The following LARGE1 variants were observed in gnomAD, a reference collection of about 807,000 sequenced individuals.
The protein encoded by LARGE1 is LARGE xylosyl- and glucuronyltransferase 1, also known as xylosyl- and glucuronyltransferase LARGE1.
Under a neutral mutation model 87.6 loss-of-function variants are expected in LARGE1, and 43 were observed. That is an observed-to-expected ratio of 0.49 (90% CI 0.38 to 0.63). The LOEUF (loss-of-function observed/expected upper bound fraction) is 0.63, where lower values mean the gene tolerates loss of function less well. Ranked by LOEUF, LARGE1 falls within the 30% of genes least tolerant of loss-of-function variation. The pLI is 0.00. For missense variants in LARGE1, 802 were observed against 1,000.2 expected, an observed-to-expected ratio of 0.80 and a Z score of 2.67; for synonymous variants, 434 against 394.6, an observed-to-expected ratio of 1.10 and a Z score of -1.18.
At chr22:33,401,077 C>T (rs1051371694) in intron 7 of LARGE1, among the ~76,000 whole-genome samples, 11 of 151,944 alleles carry the variant, frequency 7.2e-5, no homozygotes, top group Admixed American at 1.3e-4. Flanking sequence ...CGCACACTCT[C>T]GCATGTGGGT....
intron 1 of LARGE1, among the ~76,000 whole-genome samples, chr22:33,831,756 AC>A: frequency 7.8e-6 from 1 of 128,092 alleles, no homozygotes; most frequent in South Asian, 3.1e-4. Context: ...ATGTACACAC[AC>A]ACACACACAC....
At chr22:33,266,193 C>A (rs981080141) in intron 11 of LARGE1, among the ~76,000 whole-genome samples, 2 of 145,826 alleles carry the variant, frequency 1.4e-5, no homozygotes. Context: ...ACTGGGGCCA[C>A]GTGGGCCTAG....
chr22:33,260,298 G>A (rs184798070), intron 11 of LARGE1, among the ~76,000 whole-genome samples: 6 of 152,106 alleles, frequency 3.9e-5, no homozygotes, highest in African/African-American at 1.2e-4. Context: ...CCTTTTCAAC[G>A]GCATCCCTAA....
In LARGE1 at chr22:33,196,294, C is replaced by T. The variant is rs533778174; in HGVS notation, c.1731-29462G>A. ...ATAGAAGACAAAAGAGTACATATAA[C>T]ATATAGGAAAGAAAGCAGAGTTATC... On this transcript the variant is annotated intron_variant, in intron 11 of 11. Coordinates refer to the LARGE1 transcript ENST00000608642. Among the ~76,000 whole-genome samples, 339 of 151,976 alleles carry T rather than the reference C, an allele frequency of 2.2e-3. 2 individuals carry two copies. The highest frequency in any genetic ancestry group is 3.0e-3 in the Non-Finnish European group (207 of 67,954).
rs891850369 is a variant in LARGE1 at position 33,858,362 on chromosome 22, G to A, written c.-83+61633C>T. Among the ~76,000 whole-genome samples, 6 of 152,096 alleles carry A rather than the reference G, an allele frequency of 3.9e-5. No individual in the cohort carries two copies. The East Asian group carries it at 5.8e-4, about 15-fold the overall frequency. Reference sequence around the variant, plus strand: ...ACAAACCCGGACCAGAAGAGAGTGCGGTTGCAAGATTTAACAGAGTGAAAA... The same window carrying A: ...ACAAACCCGGACCAGAAGAGAGTGCAGTTGCAAGATTTAACAGAGTGAAAA... On this transcript the variant is annotated intron_variant, in intron 1 of 14. Transcript: ENST00000397394.
chr22:33,902,901 G>A (rs2065324681), intron 1 of LARGE1, among the ~76,000 whole-genome samples: 1 of 152,192 alleles, frequency 6.6e-6, no homozygotes, highest in African/African-American at 2.4e-5. Context: ...GAAGGCCAAG[G>A]CTGGTGGATC....
At chr22:33,878,121 T>C (rs999344332) in intron 1 of LARGE1, among the ~76,000 whole-genome samples, 2 of 137,488 alleles carry the variant, frequency 1.5e-5, no homozygotes, top group African/African-American at 2.8e-5. Flanking sequence ...GTTGTTTATA[T>C]TGTATTTCTT....
intron 11 of LARGE1, among the ~76,000 whole-genome samples, chr22:33,236,801 T>C (rs1201925511): frequency 6.6e-6 from 1 of 152,132 alleles, no homozygotes; most frequent in Non-Finnish European, 1.5e-5. Flanking sequence ...ATTGAGTAGA[T>C]GTGGCAGCTA....
intron 4 of LARGE1, among the ~76,000 whole-genome samples, chr22:33,607,435 T>G (rs1602686012): frequency 9.9e-6 from 1 of 100,884 alleles, no homozygotes; most frequent in East Asian, 2.9e-4. Flanking sequence ...CACTCCAGCC[T>G]GGGCAACAAG....
chr22:33,460,307 C>T (rs1165757874), intron 6 of LARGE1, among the ~76,000 whole-genome samples: 4 of 152,078 alleles, frequency 2.6e-5, no homozygotes, highest in Non-Finnish European at 5.9e-5. Flanking sequence ...TTTAAAAAAT[C>T]ATATAGGTAC....
the LARGE1 span, among the ~76,000 whole-genome samples, chr22:33,149,421 G>A: frequency 3.9e-5 from 6 of 152,024 alleles, no homozygotes; most frequent in African/African-American, 9.7e-5. Flanking sequence ...TTTCTTTCAT[G>A]AATCATGCTT....
chr22:33,114,379 T>C, the LARGE1 span, among the ~76,000 whole-genome samples: 1 of 152,098 alleles, frequency 6.6e-6, no homozygotes, highest in South Asian at 2.1e-4. Context: ...AGAACGGACT[T>C]CCCAGGGCAG....
chr22:33,306,086 C>T (rs373057027), intron 11 of LARGE1, among the ~76,000 whole-genome samples: 49 of 152,170 alleles, frequency 3.2e-4, no homozygotes, highest in African/African-American at 9.4e-4. Context: ...CCTCGTGATC[C>T]GCCCACCTCG....
chr22:33,257,671 A>G (rs1017349511), intron 11 of LARGE1, among the ~76,000 whole-genome samples: 1 of 152,146 alleles, frequency 6.6e-6, no homozygotes, highest in Non-Finnish European at 1.5e-5. Context: ...CAACTCTCCC[A>G]TGTTAGGGAC....
At position 33,292,609 on chromosome 22, in the gene LARGE1, C is replaced by T. The variant is rs186019346; in HGVS notation, c.1731-9261G>A. On this transcript the variant is annotated intron_variant, in intron 12 of 14. Transcript: ENST00000397394. ...GGGATGGGATAAACAGGAGAGTCCA[C>T]GCCTAGCTGCTCCTCAATTCCAGCT... Among the ~76,000 whole-genome samples the T allele has an allele frequency of 2.4e-4, 36 of 152,238 alleles. No homozygotes were observed. The South Asian group carries it at 6.4e-3, about 27-fold the overall frequency.
rs200326794 is a variant in LARGE1 at position 33,881,289 on chromosome 22, CG to C, written c.-83+38705del. ...CAAGCAACTTGCTCAAAGCCTGTAG[CG>C]GGCCCTGGTGCCCCCAGAAGTCCCT... On this transcript the variant is annotated intron_variant, in intron 1 of 14. Coordinates refer to ENST00000397394, the MANE Select transcript of LARGE1 (RefSeq NM_133642.5). 8.0e-3 allele frequency among the ~76,000 whole-genome samples: 1,211 copies of C among 152,250 alleles called. 17 individuals carry two copies. Among genetic ancestry groups the C allele is most frequent in the African/African-American group, 0.028 (1,149 of 41,548 alleles).
the LARGE1 span, among the ~76,000 whole-genome samples, chr22:33,112,707 G>A: frequency 6.6e-6 from 1 of 152,150 alleles, no homozygotes; most frequent in Non-Finnish European, 1.5e-5. Flanking sequence ...CTGAGAGTTA[G>A]GACACAAAGA....
At chr22:33,807,847 G>A (rs141599753) in intron 1 of LARGE1, among the ~76,000 whole-genome samples, 39 of 151,614 alleles carry the variant, frequency 2.6e-4, no homozygotes, top group African/African-American at 6.8e-4. Context: ...ATTTCTTTTC[G>A]GCGCTGAATA....
rs533957194 is a variant in LARGE1 at position 33,385,179 on chromosome 22, T to C, written c.893-875A>G. 5.1e-4 allele frequency among the ~76,000 whole-genome samples: 76 copies of C among 148,388 alleles called. 2 individuals are homozygous for C. Among genetic ancestry groups the C allele is most frequent in the African/African-American group, 1.8e-3 (74 of 40,926 alleles). ...TTACTTTCTGCGGAAGGGACCTGGG[T>C]GAATGGAGGGTTGTTTAGGGAGGGA... On this transcript the variant is annotated intron_variant, in intron 7 of 14. Transcript: ENST00000397394.
Sources: allele counts gnomAD v4.1 joint callset (sites outside exome capture counted in the v4.1 genomes callset), GRCh38; gene constraint gnomAD v4.1.1; transcripts MANE v1.5; gene names NCBI Gene and HGNC (gene_info 2026-07-23, HGNC 2026-07-21).